KIF13A: variants seen among roughly 807,000 people sequenced by gnomAD.
KIF13A encodes the protein kinesin-like protein KIF13A.
In KIF13A, 79 loss-of-function variants were observed where a neutral mutation model predicts 212.2. The observed-to-expected ratio is 0.37, with a 90% CI of 0.31 to 0.45. KIF13A has a LOEUF of 0.45. Among genes scored for constraint, KIF13A ranks in the 20% least tolerant of loss-of-function variants. KIF13A has a pLI of 1.00. For missense variants in KIF13A, 1,901 were observed against 2,209.0 expected, an observed-to-expected ratio of 0.86 and a Z score of 2.79; for synonymous variants, 789 against 808.6, an observed-to-expected ratio of 0.98 and a Z score of 0.41.
At chr6:17,815,518 A>G in intron 17 of KIF13A, 1 of 318,944 alleles carries the variant, frequency 3.1e-6, no homozygotes, top group Non-Finnish European at 6.7e-6. Context: ...CCACTAGACC[A>G]GGGAGCCCTC....
intron 2 of KIF13A, among the ~76,000 whole-genome samples, chr6:17,911,306 C>A (rs1405701522): frequency 6.6e-6 from 1 of 152,174 alleles, no homozygotes; most frequent in African/African-American, 2.4e-5. Context: ...CACCACTGAC[C>A]GCAGCCCTTC....
In KIF13A at chr6:17,781,184, T is replaced by C. The variant is rs754834948; in HGVS notation, c.3662A>G (p.Asp1221Gly). 1 of 1,613,994 alleles carries C rather than the reference T, an allele frequency of 6.2e-7. No homozygotes were observed. The highest frequency in any genetic ancestry group is 1.7e-5 in the Admixed American group (1 of 60,020). Residue 1221 changes from aspartate to glycine, a missense_variant, in exon 30 of 39, where the codon GAT becomes GGT. By Grantham distance (94) the Asp-to-Gly change is moderately conservative (BLOSUM62 -1). Transcript: ENST00000259711. ...FFYLPIIKHS[D>G]DEVSATASWD... ...AACTTGGGGGTTAATTACCTCATCATCACTGTGCTTTATGATGGGCAGGTA... is the reference window on the plus strand; with the variant it reads ...AACTTGGGGGTTAATTACCTCATCACCACTGTGCTTTATGATGGGCAGGTA...
rs1774305746 is a variant in KIF13A, at chr6:17,914,214, C to T, written c.147-16034G>A. On this transcript the variant is annotated intron_variant, in intron 2 of 38. Transcript: ENST00000259711. The surrounding 1 kb of genome is among the most constrained non-coding windows in gnomAD (Gnocchi z 5.9). ...TTACTAAATGCCAGAATAAGTGAAACATTTTAAATTTTTATTGCTTTTAAA... is the reference window on the plus strand; with the variant it reads ...TTACTAAATGCCAGAATAAGTGAAATATTTTAAATTTTTATTGCTTTTAAA... Among the ~76,000 whole-genome samples, 1 of 152,152 alleles carries T rather than the reference C, an allele frequency of 6.6e-6. No homozygotes were observed. The highest frequency in any genetic ancestry group is 1.5e-5 in the Non-Finnish European group (1 of 68,004).
At chr6:17,821,551 T>TGGTGTGTGTGTGTGTGTGTGTGTG in intron 16 of KIF13A, among the ~76,000 whole-genome samples, 1 of 37,114 alleles carries the variant, frequency 2.7e-5, no homozygotes, top group South Asian at 1.1e-3. Context: ...AATTGGGACA[T>TGGTGTGTGTGTGTGTGTGTGTGTG]GGTGTGTGTG....
intron 2 of KIF13A, among the ~76,000 whole-genome samples, chr6:17,957,427 TTTA>T (rs2150580772): frequency 6.6e-6 from 1 of 152,270 alleles, no homozygotes; most frequent in East Asian, 1.9e-4. Flanking sequence ...CATCTGGCTG[TTTA>T]TTTGTATCCT....
intron 2 of KIF13A, among the ~76,000 whole-genome samples, chr6:17,975,206 T>C (rs532285935): frequency 6.6e-6 from 1 of 152,180 alleles, no homozygotes; most frequent in South Asian, 2.1e-4. Context: ...AAAAAAAAAC[T>C]AGCAGGCGGG....
At chr6:17,957,327 C>T (rs1427678973) in intron 2 of KIF13A, among the ~76,000 whole-genome samples, 1 of 152,200 alleles carries the variant, frequency 6.6e-6, no homozygotes, top group African/African-American at 2.4e-5. Flanking sequence ...CGTTCACATG[C>T]TGGGAGGGTG....
At chr6:17,760,477 T>C (rs141959298), downstream of KIF13A, 1,435 of 199,474 alleles carry the variant, frequency 7.2e-3, 17 homozygotes, top group Non-Finnish European at 0.012. Flanking sequence ...ATTAGAGCAT[T>C]GACTCCAGAT....
intron 2 of KIF13A, among the ~76,000 whole-genome samples, chr6:17,935,283 G>A (rs914679262): frequency 6.6e-5 from 10 of 152,084 alleles, no homozygotes; most frequent in African/African-American, 2.2e-4. Context: ...GCAGTTTAAG[G>A]CTCAAGCCCT....
Position 17,895,161 on chromosome 6 carries a change from C to T in KIF13A, c.159+3007G>A, listed in dbSNP as rs969279542. On this transcript the variant is annotated intron_variant, in intron 3 of 38. Transcript: ENST00000259711. The surrounding 1 kb of genome is among the most constrained non-coding windows in gnomAD (Gnocchi z 4.4). ...CACTTTCTATAGCTTCTAGTTCTCTCCAACATTTTTCAATCTTATGTTTTA... is the reference window on the plus strand; with the variant it reads ...CACTTTCTATAGCTTCTAGTTCTCTTCAACATTTTTCAATCTTATGTTTTA... Among the ~76,000 whole-genome samples the T allele has an allele frequency of 6.6e-4, 100 of 152,294 alleles. No homozygotes were observed. The highest frequency in any genetic ancestry group is 2.3e-3 in the African/African-American group (97 of 41,578).
chr6:17,900,874 C>T lies in KIF13A; in HGVS notation c.147-2694G>A, dbSNP rs1219759367. On this transcript the variant is annotated intron_variant, in intron 2 of 38. Transcript: ENST00000259711. This position sits in a 1 kb window ranked among gnomAD's most constrained non-coding sequence, Gnocchi z 4.6. ...CAGGCGGATCACAAGTTCAGGGGAT[C>T]GAGACCATCCTGGTTAACACGGTGA... 2.0e-5 allele frequency among the ~76,000 whole-genome samples: 3 copies of T among 151,966 alleles called. No individual in the cohort carries two copies. The highest frequency in any genetic ancestry group is 7.2e-5 in the African/African-American group (3 of 41,484).
In KIF13A at chr6:17,764,542, G is replaced by A; in HGVS notation, c.4986C>T (p.Asp1662=). 3 of 1,613,932 alleles carry A rather than the reference G, an allele frequency of 1.9e-6. No homozygotes were observed. The highest frequency in any genetic ancestry group is 2.5e-6 in the Non-Finnish European group (3 of 1,179,874). ...CCTTGAGTGGCACCACAATTATCTT[G>A]TCCTTTACCAAGCCTTTTTCGACTT... ...LTEVEKGLVK[D]KIIVVPLKEN... The change falls in exon 39 of 39, where the codon GAC becomes GAT. Residue 1662 remains aspartate, a synonymous_variant. Transcript: ENST00000259711. The surrounding 1 kb of genome is among the most constrained non-coding windows in gnomAD (Gnocchi z 5.1).
At position 17,809,015 on chromosome 6, in the gene KIF13A, G is replaced by C. The variant is rs145480282; in HGVS notation, c.2001-85C>G. 8.1e-7 allele frequency: 1 copy of C among 1,241,042 alleles called. No individual in the cohort carries two copies. The highest frequency in any genetic ancestry group is 1.6e-5 in the South Asian group (1 of 62,500). The allele number at this position is 1,241,042 out of a possible 1,614,324, so 76.9% of individuals were successfully genotyped here. On this transcript the variant is annotated intron_variant, in intron 17 of 38. Transcript: ENST00000259711. This position sits in a 1 kb window ranked among gnomAD's most constrained non-coding sequence, Gnocchi z 4.7. ...AAGTGAGCATCTTATTAGAAAATGGGAGAAAACTCCTCTCGGGCAGTATTT... is the reference window on the plus strand; with the variant it reads ...AAGTGAGCATCTTATTAGAAAATGGCAGAAAACTCCTCTCGGGCAGTATTT...
In KIF13A at chr6:17,771,927, CT is replaced by C. The variant is rs746906833; in HGVS notation, c.4456del (p.Arg1486GlyfsTer4). On this transcript the variant is annotated frameshift_variant, in exon 37 of 39. Transcript: ENST00000259711. LOFTEE classifies it high-confidence loss of function. This position sits in a 1 kb window ranked among gnomAD's most constrained non-coding sequence, Gnocchi z 5.4. ...EHKKRIALEA[R>X]PLLSQESMPP... ...ATTTACCTCCTGGCTTAGAAGAGGC[CT>C]TGCTTCCAGGGCTATCCTTTTCTTA... The C allele has an allele frequency of 6.2e-7, 1 of 1,613,966 alleles. No individual in the cohort carries two copies. The highest frequency in any genetic ancestry group is 1.7e-5 in the Admixed American group (1 of 60,022).
At chr6:17,975,513 G>A (rs1780309865) in intron 2 of KIF13A, among the ~76,000 whole-genome samples, 1 of 152,110 alleles carries the variant, frequency 6.6e-6, no homozygotes, top group South Asian at 2.1e-4. Flanking sequence ...GCCCAAAAAG[G>A]GAGCAGCAAC....
chr6:17,941,501 T>C (rs891329872), intron 2 of KIF13A, among the ~76,000 whole-genome samples: 3 of 152,180 alleles, frequency 2.0e-5, no homozygotes, highest in African/African-American at 7.2e-5. Context: ...TAAAATGATG[T>C]CATTACAATG....
At chr6:17,800,704 G>A (rs546141732) in intron 20 of KIF13A, among the ~76,000 whole-genome samples, 4 of 151,852 alleles carry the variant, frequency 2.6e-5, no homozygotes, top group African/African-American at 7.2e-5. Flanking sequence ...GGGTTCAAGC[G>A]GTTCTTCTGC....
At chr6:17,948,386 G>A (rs1777582721) in intron 2 of KIF13A, among the ~76,000 whole-genome samples, 1 of 151,970 alleles carries the variant, frequency 6.6e-6, no homozygotes, top group Admixed American at 6.6e-5. Flanking sequence ...GTTTTCTTTG[G>A]AAAATAAAAT....
chr6:17,963,597 G>A lies in KIF13A; in HGVS notation c.146+23457C>T, dbSNP rs1264058449. Among the ~76,000 whole-genome samples, 6 of 152,140 alleles carry A rather than the reference G, an allele frequency of 3.9e-5. No homozygotes were observed. Among genetic ancestry groups the A allele is most frequent in the African/African-American group, 9.7e-5 (4 of 41,420 alleles). Reference sequence around the variant, plus strand: ...TTTTGAGACAGAGTCTTGCTGTGTCGCCTAGGCTGGAGTGCTGCGCGTGAT... The same window carrying A: ...TTTTGAGACAGAGTCTTGCTGTGTCACCTAGGCTGGAGTGCTGCGCGTGAT... On this transcript the variant is annotated intron_variant, in intron 2 of 38. Coordinates refer to ENST00000259711, the MANE Select transcript of KIF13A (RefSeq NM_022113.6). The surrounding 1 kb of genome is among the most constrained non-coding windows in gnomAD (Gnocchi z 4.1).
Sources: allele counts gnomAD v4.1 joint callset (sites outside exome capture counted in the v4.1 genomes callset), GRCh38; gene constraint gnomAD v4.1.1; non-coding constraint Gnocchi (gnomAD v3.1); transcripts MANE v1.5; gene names NCBI Gene and HGNC (gene_info 2026-07-23, HGNC 2026-07-21).